Variants in PTPRK observed in about 807,000 individuals in gnomAD.
PTPRK encodes the protein protein tyrosine phosphatase receptor type K.
In PTPRK, 75 loss-of-function variants were observed where a neutral mutation model predicts 178.0. That is an observed-to-expected ratio of 0.42 (90% confidence interval 0.35 to 0.51). PTPRK has a LOEUF of 0.51. PTPRK is among the 20% of genes least tolerant of loss of function. The pLI is 0.02. For missense variants in PTPRK, 1,441 were observed against 1,797.8 expected, an observed-to-expected ratio of 0.80 and a Z score of 3.59; for synonymous variants, 637 against 620.6, an observed-to-expected ratio of 1.03 and a Z score of -0.39.
intron 2 of PTPRK, among the ~76,000 whole-genome samples, chr6:128,334,053 A>G (rs1830605734): frequency 6.6e-6 from 1 of 152,186 alleles, no homozygotes. Context: ...GAACAGTCAG[A>G]ATACATACAA....
intron 1 of PTPRK, among the ~76,000 whole-genome samples, chr6:128,488,180 C>G (rs970607499): frequency 6.6e-6 from 1 of 152,212 alleles, no homozygotes. Flanking sequence ...AGCTGAAGAA[C>G]TTGGAGTCTG....
At chr6:128,053,834 A>G (rs1252332320) in intron 13 of PTPRK, among the ~76,000 whole-genome samples, 52 of 152,136 alleles carry the variant, frequency 3.4e-4, no homozygotes, top group Admixed American at 3.4e-3. Context: ...TGTGGGTCCT[A>G]CCATGCTCTG....
chr6:128,307,852 T>A (rs13218387), intron 3 of PTPRK, among the ~76,000 whole-genome samples: 8,146 of 152,258 alleles, frequency 0.054, 315 homozygotes, highest in Middle Eastern at 0.15. Context: ...TACTGCCAGC[T>A]GGAATGCCAA....
intron 2 of PTPRK, among the ~76,000 whole-genome samples, chr6:128,365,714 G>C (rs749359855): frequency 1.3e-5 from 2 of 152,076 alleles, no homozygotes; most frequent in Non-Finnish European, 2.9e-5. Flanking sequence ...TTAGAACACA[G>C]AGAACAGGTA....
chr6:128,050,303 C>T (rs1778790167), intron 13 of PTPRK, among the ~76,000 whole-genome samples: 1 of 152,190 alleles, frequency 6.6e-6, no homozygotes, highest in African/African-American at 2.4e-5. Flanking sequence ...TAATGTATCA[C>T]AGACACCTTC....
chr6:128,497,512 T>A (rs1854862292), intron 1 of PTPRK, among the ~76,000 whole-genome samples: 1 of 152,294 alleles, frequency 6.6e-6, no homozygotes, highest in African/African-American at 2.4e-5. Context: ...GAGATTTTTA[T>A]CTTGGTTTGA....
At chr6:128,288,391 T>C (rs1175787951) in intron 3 of PTPRK, among the ~76,000 whole-genome samples, 3 of 152,196 alleles carry the variant, frequency 2.0e-5, no homozygotes, top group Non-Finnish European at 4.4e-5. Flanking sequence ...TATTTCCCCA[T>C]TTCATGTGAA....
intron 13 of PTPRK, among the ~76,000 whole-genome samples, chr6:128,030,753 T>A (rs1046552402): frequency 5.3e-5 from 8 of 152,142 alleles, no homozygotes; most frequent in African/African-American, 1.7e-4. Flanking sequence ...CAGGCTTGCT[T>A]TTTTTCCCCC....
At chr6:128,512,925 T>A (rs1857394396) in intron 1 of PTPRK, among the ~76,000 whole-genome samples, 1 of 152,194 alleles carries the variant, frequency 6.6e-6, no homozygotes, top group Non-Finnish European at 1.5e-5. Context: ...CTACTAGTAA[T>A]GTCAGAGGGA....
intron 13 of PTPRK, among the ~76,000 whole-genome samples, chr6:128,027,416 A>T (rs1471131150): frequency 6.6e-6 from 1 of 152,220 alleles, no homozygotes; most frequent in Non-Finnish European, 1.5e-5. Flanking sequence ...CAGTACCCAC[A>T]TTCAAAGAGT....
chr6:128,506,251 G>A (rs1402171467), intron 1 of PTPRK, among the ~76,000 whole-genome samples: 3 of 152,120 alleles, frequency 2.0e-5, no homozygotes, highest in Non-Finnish European at 4.4e-5. Flanking sequence ...TACTTACTGG[G>A]ATGGGCACTG....
intron 13 of PTPRK, among the ~76,000 whole-genome samples, chr6:128,039,168 C>T (rs912673009): frequency 7.8e-4 from 118 of 152,184 alleles, no homozygotes; most frequent in African/African-American, 2.7e-3. Flanking sequence ...TGCATCATTG[C>T]ATGTAATCCC....
intron 3 of PTPRK, among the ~76,000 whole-genome samples, chr6:128,254,379 C>T (rs550096007): frequency 6.6e-6 from 1 of 152,040 alleles, no homozygotes; most frequent in African/African-American, 2.4e-5. Flanking sequence ...AAAATATTTA[C>T]GAAGAGATGT....
At chr6:128,045,773 T>C (rs1354789037) in intron 13 of PTPRK, among the ~76,000 whole-genome samples, 3 of 152,098 alleles carry the variant, frequency 2.0e-5, no homozygotes. Flanking sequence ...CACACAATTA[T>C]AAGGAGGTTG....
intron 1 of PTPRK, among the ~76,000 whole-genome samples, chr6:128,477,904 C>A (rs1165099744): frequency 6.6e-6 from 1 of 152,038 alleles, no homozygotes; most frequent in African/African-American, 2.4e-5. Flanking sequence ...AATTTAACAA[C>A]TCCTTCTCCA....
chr6:128,203,083 G>A (rs1268585302), intron 6 of PTPRK, among the ~76,000 whole-genome samples: 3 of 152,122 alleles, frequency 2.0e-5, no homozygotes, highest in Non-Finnish European at 4.4e-5. Flanking sequence ...TCTTCCCCGG[G>A]ATGCAAGGTT....
chr6:128,245,335 T>C (rs572250902), intron 3 of PTPRK, among the ~76,000 whole-genome samples: 1 of 152,286 alleles, frequency 6.6e-6, no homozygotes, highest in Admixed American at 6.5e-5. Flanking sequence ...GTCTAAAATG[T>C]TAAGTAAATT....
intron 7 of PTPRK, among the ~76,000 whole-genome samples, chr6:128,096,835 T>C (rs1049863532): frequency 1.3e-5 from 2 of 151,910 alleles, no homozygotes; most frequent in Non-Finnish European, 2.9e-5. Context: ...TAAAAAAGAA[T>C]TGAGATGAAA....
chr6:128,146,928 T>C (rs1796588101), intron 7 of PTPRK, among the ~76,000 whole-genome samples: 1 of 152,174 alleles, frequency 6.6e-6, no homozygotes, highest in Non-Finnish European at 1.5e-5. Flanking sequence ...ATCATATAAT[T>C]GCTTCACTTA....
Sources: gnomAD v4.1 joint callset for allele counts (sites outside exome capture counted in the v4.1 genomes callset) on GRCh38, gnomAD v4.1.1 for gene constraint, MANE v1.5 for transcripts, NCBI Gene and HGNC (gene_info 2026-07-23, HGNC 2026-07-21) for gene names.